Variants in RTN4 observed in about 807,000 individuals in gnomAD.
RTN4 encodes reticulon 4.
Under a neutral mutation model 90.4 loss-of-function variants are expected in RTN4, and 32 were observed. That is an observed-to-expected ratio of 0.35 (90% CI 0.27 to 0.48). The LOEUF is 0.48. Ranked by LOEUF, RTN4 falls within the 20% of genes least tolerant of loss-of-function variation. The pLI is 0.99. For synonymous variants in RTN4, 629 were observed against 552.5 expected (o/e 1.14, Z -1.94); for missense variants, 1,706 against 1,430.2 (o/e 1.19, Z -3.11).
At chr2:55,120,759 G>A in the RTN4 span, among the ~76,000 whole-genome samples, 1 of 152,092 alleles carries the variant, frequency 6.6e-6, no homozygotes, top group Non-Finnish European at 1.5e-5. Flanking sequence ...CAGGGCTCGG[G>A]CGGGCTGTGT....
chr2:55,033,163 A>C (rs996451187), intron 1 of RTN4, among the ~76,000 whole-genome samples: 2 of 152,078 alleles, frequency 1.3e-5, no homozygotes, highest in African/African-American at 4.8e-5. Flanking sequence ...TAAACACAAC[A>C]CCACAAAAAG....
At chr2:55,127,591 T>A in the RTN4 span, among the ~76,000 whole-genome samples, 1 of 152,210 alleles carries the variant, frequency 6.6e-6, no homozygotes, top group East Asian at 1.9e-4. Context: ...ATTCATCACG[T>A]CATCCATCCT....
chr2:55,016,570 C>T (rs529765362), intron 3 of RTN4, among the ~76,000 whole-genome samples: 8 of 152,136 alleles, frequency 5.3e-5, no homozygotes, highest in East Asian at 1.9e-4. Context: ...AGTGACAGAG[C>T]GAGACTATGT....
At chr2:55,010,366 A>T in intron 3 of RTN4, 1 of 1,315,608 alleles carries the variant, frequency 7.6e-7, no homozygotes, top group South Asian at 2.3e-5. Context: ...CTTTCCTTCT[A>T]TCTGTTGATT....
chr2:55,021,087 C>G (rs1458626224), intron 3 of RTN4, among the ~76,000 whole-genome samples: 1 of 152,110 alleles, frequency 6.6e-6, no homozygotes, highest in Non-Finnish European at 1.5e-5. Flanking sequence ...AATGCATATA[C>G]ATTAATAAGA....
intron 1 of RTN4, among the ~76,000 whole-genome samples, chr2:55,089,173 C>T (rs1442271062): frequency 1.3e-5 from 2 of 152,110 alleles, no homozygotes; most frequent in African/African-American, 2.4e-5. Context: ...GCTGGGATTA[C>T]AGGCATGAGC....
At position 55,058,977 on chromosome 2, in the gene RTN4, G is replaced by A. The variant is rs1012191119; in HGVS notation, c.-63+21512C>T. Among the ~76,000 whole-genome samples, 5 of 152,098 alleles carry A rather than the reference G, an allele frequency of 3.3e-5. No homozygotes were observed. The East Asian group carries it at 9.7e-4, about 29-fold the overall frequency. On this transcript the variant is annotated intron_variant, in intron 2 of 3. Coordinates refer to the RTN4 transcript ENST00000427710. ...CGCCACCTCGGCCTCTCAGAGTGCT[G>A]GGATTACAGGCATGAGCCACCATGC...
At chr2:55,114,147 G>A (rs142150833), upstream of RTN4, among the ~76,000 whole-genome samples, 1,033 of 152,246 alleles carry the variant, frequency 6.8e-3, 21 homozygotes, top group Admixed American at 0.042. Flanking sequence ...GTTTGGAATC[G>A]TCTGTCTTTA....
chr2:55,112,112 C>T (rs1668049172), intron 1 of RTN4, among the ~76,000 whole-genome samples: 1 of 152,198 alleles, frequency 6.6e-6, no homozygotes, highest in South Asian at 2.1e-4. Flanking sequence ...AGCTCAGAGG[C>T]TCTGAGAGGC....
chr2:54,987,761 C>T, intron 3 of RTN4, 63 bp from the exon 4 acceptor site: 7 of 1,401,246 alleles, frequency 5.0e-6, no homozygotes, highest in Non-Finnish European at 6.9e-6. Flanking sequence ...TTTGCTCCAT[C>T]TATGAAAACA....
At chr2:54,985,504 A>G (rs1259780102) in intron 4 of RTN4, among the ~76,000 whole-genome samples, 2 of 152,110 alleles carry the variant, frequency 1.3e-5, no homozygotes, top group Non-Finnish European at 2.9e-5. Context: ...CTGAATTCCA[A>G]CTTTTTCCCC....
chr2:55,023,097 A>G (rs1638433179), intron 3 of RTN4, among the ~76,000 whole-genome samples: 1 of 151,816 alleles, frequency 6.6e-6, no homozygotes, highest in African/African-American at 2.4e-5. Flanking sequence ...TTCTATTCAC[A>G]TCCTTCAACT....
At chr2:54,983,584 G>C (rs1678317877) in intron 4 of RTN4, among the ~76,000 whole-genome samples, 1 of 152,074 alleles carries the variant, frequency 6.6e-6, no homozygotes, top group South Asian at 2.1e-4. Context: ...TTTTACCTCT[G>C]CAACATGCCC....
At chr2:55,084,386 C>T (rs1668799357) in intron 1 of RTN4, among the ~76,000 whole-genome samples, 1 of 151,532 alleles carries the variant, frequency 6.6e-6, no homozygotes, top group African/African-American at 2.4e-5. Context: ...TGTGATCCTC[C>T]AGCCTGAGTC....
At chr2:55,099,098 C>T (rs185280697) in intron 1 of RTN4, among the ~76,000 whole-genome samples, 3 of 152,216 alleles carry the variant, frequency 2.0e-5, no homozygotes, top group Admixed American at 2.0e-4. Context: ...GACTCTATTA[C>T]TCCTTTGTTG....
chr2:55,136,844 T>A, the RTN4 span, among the ~76,000 whole-genome samples: 10 of 152,354 alleles, frequency 6.6e-5, no homozygotes, highest in South Asian at 2.1e-3. Flanking sequence ...TCAGGCAGAC[T>A]GCCTACTTAA....
chr2:55,066,487 G>T (rs1212243919), intron 2 of RTN4, among the ~76,000 whole-genome samples: 1 of 152,020 alleles, frequency 6.6e-6, no homozygotes, highest in Admixed American at 6.6e-5. Flanking sequence ...TTGAGGTCAG[G>T]AGTTTGAGAC....
chr2:55,127,221 C>T, the RTN4 span, among the ~76,000 whole-genome samples: 1 of 152,200 alleles, frequency 6.6e-6, no homozygotes, highest in African/African-American at 2.4e-5. Flanking sequence ...GAGCCAGGAG[C>T]CCAGGACAAA....
chr2:55,122,236 C>T, the RTN4 span, among the ~76,000 whole-genome samples: 1 of 152,170 alleles, frequency 6.6e-6, no homozygotes, highest in Non-Finnish European at 1.5e-5. Flanking sequence ...GCCTCGGCCT[C>T]CCAAAGTGCT....
Sources: allele counts gnomAD v4.1 joint callset (sites outside exome capture counted in the v4.1 genomes callset), GRCh38; gene constraint gnomAD v4.1.1; transcripts MANE v1.5; gene names NCBI Gene and HGNC (gene_info 2026-07-23, HGNC 2026-07-21).